The following MAGI2 variants were observed in gnomAD, a reference collection of about 807,000 sequenced individuals.
MAGI2 encodes membrane-associated guanylate kinase, WW and PDZ domain-containing protein 2.
A neutral mutation model predicts 133.3 loss-of-function variants in MAGI2; 35 were observed. The observed-to-expected ratio is 0.26, with a 90% CI of 0.20 to 0.35. The LOEUF (loss-of-function observed/expected upper bound fraction) is 0.35, where lower values mean the gene tolerates loss of function less well. MAGI2 is among the 10% of genes least tolerant of loss of function. The pLI, the probability that MAGI2 is intolerant of heterozygous loss-of-function variation, is 1.00. For synonymous variants in MAGI2, 729 were observed against 710.6 expected, an observed-to-expected ratio of 1.03 and a Z score of -0.41; for missense variants, 1,636 against 1,863.4, an observed-to-expected ratio of 0.88 and a Z score of 2.25.
At chr7:78,237,588 T>C (rs905863549) in intron 10 of MAGI2, among the ~76,000 whole-genome samples, 1 of 152,198 alleles carries the variant, frequency 6.6e-6, no homozygotes, top group African/African-American at 2.4e-5. Context: ...CTATTGAAAC[T>C]TACCACAAAC....
At position 79,417,924 on chromosome 7, in the gene MAGI2, C is replaced by T. The variant is rs566322911; in HGVS notation, c.301+35096G>A. Among the ~76,000 whole-genome samples, 15 of 152,052 alleles carry T rather than the reference C, an allele frequency of 9.9e-5. 2 individuals are homozygous for T. The South Asian group carries it at 3.1e-3, about 32-fold the overall frequency. ...GACAGATATCAAAAATTCTAGGTAG[C>T]AAAGTTACTTAGAAAAGTCATAATC... On this transcript the variant is annotated intron_variant, in intron 1 of 21. Coordinates refer to ENST00000354212, the MANE Select transcript of MAGI2 (RefSeq NM_012301.4).
chr7:79,336,408 T>A (rs947654754), intron 1 of MAGI2, among the ~76,000 whole-genome samples: 2 of 152,038 alleles, frequency 1.3e-5, no homozygotes, highest in Non-Finnish European at 2.9e-5. Flanking sequence ...AAAACTAGGA[T>A]GATCTATCTA....
chr7:79,171,766 A>ATTTTTT (rs1259287214), intron 1 of MAGI2, among the ~76,000 whole-genome samples: 4 of 23,256 alleles, frequency 1.7e-4, no homozygotes, highest in African/African-American at 2.7e-4. Context: ...ATATATATAT[A>ATTTTTT]TATATTTTTT....
At chr7:79,300,958 A>C (rs1837352358) in intron 1 of MAGI2, among the ~76,000 whole-genome samples, 1 of 152,236 alleles carries the variant, frequency 6.6e-6, no homozygotes, top group Admixed American at 6.5e-5. Flanking sequence ...GCAAGCCATA[A>C]GCCTTGGTGG....
chr7:79,066,826 T>C (rs1456172654), intron 1 of MAGI2, among the ~76,000 whole-genome samples: 2 of 152,194 alleles, frequency 1.3e-5, no homozygotes, highest in East Asian at 3.9e-4. Flanking sequence ...TTTATGCATA[T>C]GGCTAGCCAG....
At chr7:79,171,134 A>G (rs1227105852) in intron 1 of MAGI2, among the ~76,000 whole-genome samples, 1 of 152,064 alleles carries the variant, frequency 6.6e-6, no homozygotes, top group Non-Finnish European at 1.5e-5. Flanking sequence ...GAACTGCAGA[A>G]ATTTATTTTC....
chr7:78,744,233 T>C (rs1354085146), intron 2 of MAGI2, among the ~76,000 whole-genome samples: 2 of 152,182 alleles, frequency 1.3e-5, no homozygotes, highest in African/African-American at 4.8e-5. Context: ...TCCACGCTAA[T>C]TTTATAAAGA....
chr7:79,378,538 G>T (rs2129140306), intron 1 of MAGI2, among the ~76,000 whole-genome samples: 1 of 151,406 alleles, frequency 6.6e-6, no homozygotes, highest in Non-Finnish European at 1.5e-5. Context: ...TTTTTTAATG[G>T]AAGAATCATT....
intron 21 of MAGI2, among the ~76,000 whole-genome samples, chr7:78,020,983 A>C (rs961858329): frequency 6.6e-6 from 1 of 152,186 alleles, no homozygotes; most frequent in Non-Finnish European, 1.5e-5. Context: ...ACCTACTTCC[A>C]AAAAGGATTT....
At chr7:78,474,541 A>G (rs1791549811) in intron 6 of MAGI2, among the ~76,000 whole-genome samples, 1 of 152,054 alleles carries the variant, frequency 6.6e-6, no homozygotes. Context: ...AAGGCAGTAC[A>G]CTTTCAAAAT....
chr7:78,107,021 T>A (rs115918082), intron 20 of MAGI2, among the ~76,000 whole-genome samples: 3,050 of 152,270 alleles, frequency 0.02, 109 homozygotes, highest in African/African-American at 0.07. Context: ...CAATGTTGAT[T>A]TGATTTTTGT....
At chr7:78,547,724 A>G (rs574108355) in intron 3 of MAGI2, among the ~76,000 whole-genome samples, 1 of 152,382 alleles carries the variant, frequency 6.6e-6, no homozygotes, top group African/African-American at 2.4e-5. Context: ...CATCTTTGCA[A>G]TGTGGGAGGA....
At chr7:78,403,542 A>G (rs1797098627) in intron 6 of MAGI2, among the ~76,000 whole-genome samples, 1 of 152,142 alleles carries the variant, frequency 6.6e-6, no homozygotes, top group Non-Finnish European at 1.5e-5. Context: ...GTCAAATGGT[A>G]TTTCTAGGTC....
intron 2 of MAGI2, among the ~76,000 whole-genome samples, chr7:78,901,704 C>T (rs1046599260): frequency 1.3e-5 from 2 of 151,714 alleles, no homozygotes; most frequent in Middle Eastern, 3.2e-3. Flanking sequence ...GGCTTCTATT[C>T]ACCGTACAGG....
intron 1 of MAGI2, among the ~76,000 whole-genome samples, chr7:79,023,279 T>G (rs181736605): frequency 4.6e-5 from 7 of 152,186 alleles, no homozygotes; most frequent in African/African-American, 1.4e-4. Flanking sequence ...TAAATAATAT[T>G]CAACATCCAT....
chr7:78,233,660 G>A (rs1210490537), intron 10 of MAGI2, among the ~76,000 whole-genome samples: 3 of 152,068 alleles, frequency 2.0e-5, no homozygotes, highest in Admixed American at 2.0e-4. Flanking sequence ...AGTTCTTAAA[G>A]AATGGGATAA....
intron 1 of MAGI2, among the ~76,000 whole-genome samples, chr7:79,171,768 A>ATTT (rs1169292477): frequency 1.4e-4 from 3 of 20,892 alleles, no homozygotes; most frequent in Non-Finnish European, 3.8e-4. Flanking sequence ...ATATATATAT[A>ATTT]TATTTTTTTT....
intron 16 of MAGI2, among the ~76,000 whole-genome samples, chr7:78,149,814 T>C (rs1191570302): frequency 2.0e-5 from 3 of 152,202 alleles, no homozygotes; most frequent in African/African-American, 7.2e-5. Flanking sequence ...AGATGGTTCA[T>C]CAGGTACCCA....
intron 1 of MAGI2, among the ~76,000 whole-genome samples, chr7:79,348,480 A>AAT (rs1217087472): frequency 6.6e-6 from 1 of 151,938 alleles, no homozygotes; most frequent in Non-Finnish European, 1.5e-5. Context: ...TAGGACAAAG[A>AAT]ATATAACTAG....
Sources: gnomAD v4.1 joint callset for allele counts (sites outside exome capture counted in the v4.1 genomes callset) on GRCh38, gnomAD v4.1.1 for gene constraint, MANE v1.5 for transcripts, NCBI Gene and HGNC (gene_info 2026-07-23, HGNC 2026-07-21) for gene names.